Variants in GOLGA6D observed in about 807,000 individuals in gnomAD.
GOLGA6D encodes golgin A6 family member D, also known as golgin subfamily A member 6D.
GOLGA6D carries 9 observed loss-of-function variants against 42.1 expected under a neutral mutation model. That is an observed-to-expected ratio of 0.21 (90% CI 0.13 to 0.37). GOLGA6D has a LOEUF of 0.37. Among genes scored for constraint, GOLGA6D ranks in the 10% least tolerant of loss-of-function variants. GOLGA6D has a pLI of 1.00. For synonymous variants in GOLGA6D, 39 were observed against 167.3 expected, an observed-to-expected ratio of 0.23 and a Z score of 5.92; for missense variants, 87 against 420.8, an observed-to-expected ratio of 0.21 and a Z score of 6.94.
chr15:75,293,516 C>T (rs1288190884), intron 14 of GOLGA6D, among the ~76,000 whole-genome samples: 2 of 144,746 alleles, frequency 1.4e-5, no homozygotes, highest in African/African-American at 5.4e-5. Context: ...CTGCACCTGG[C>T]TCATCTGGTG....
chr15:75,276,159 A>AC, the GOLGA6D span, among the ~76,000 whole-genome samples: 1 of 151,104 alleles, frequency 6.6e-6, no homozygotes, highest in African/African-American at 2.5e-5. Flanking sequence ...ATGCCCCCTC[A>AC]CCCCCATGGG....
Position 75,290,691 on chromosome 15 carries a change from GA to G in GOLGA6D, c.1159del (p.Arg387GlyfsTer66), listed in dbSNP as rs2141650171. 3 of 113,812 alleles carry G rather than the reference GA, an allele frequency of 2.6e-5. No homozygotes were observed. The East Asian group carries it at 4.0e-4, about 15-fold the overall frequency. 7.1% of individuals were successfully genotyped at this position (113,812 alleles called of 1,614,324 possible). A position where few individuals can be genotyped will look rare whatever the true frequency, so the allele number is the denominator to read the frequency against. On this transcript the variant is annotated frameshift_variant, in exon 11 of 18. Transcript: ENST00000434739. LOFTEE classifies it high-confidence loss of function. ...GTGAGAGGCTGCGAAAGCAGGAGCA[GA>G]GGCTACGCAAACAGGAGGAGAGGCT... ...QGERLRKQEQ[R>X]LRKQEERLRK...
the GOLGA6D span, among the ~76,000 whole-genome samples, chr15:75,277,321 CCTGAA>C: frequency 1.3e-5 from 1 of 76,614 alleles, no homozygotes; most frequent in East Asian, 3.0e-4. Flanking sequence ...CCTTACCTTG[CCTGAA>C]CTCAAGCGAT....
intron 14 of GOLGA6D, 143 bp downstream of exon 14, chr15:75,293,307 T>G (rs1230495128): frequency 3.0e-6 from 2 of 671,562 alleles, no homozygotes; most frequent in Non-Finnish European, 5.3e-6. Context: ...CTTTGTCACC[T>G]GTGACCAACA....
At chr15:75,288,720 GGTGTGT>G (rs59539121) in intron 7 of GOLGA6D, among the ~76,000 whole-genome samples, 45 of 116,172 alleles carry the variant, frequency 3.9e-4, no homozygotes, top group East Asian at 9.6e-4. Context: ...AGAGGAAAGG[GGTGTGT>G]GTGTGTGTGT....
rs2070868305 is a variant in GOLGA6D, at chr15:75,289,040, C to CATTT, written c.565-355_565-354insTTAT. On this transcript the variant is annotated intron_variant, in intron 7 of 17. Coordinates refer to ENST00000434739, the MANE Select transcript of GOLGA6D (RefSeq NM_001145224.3). The stretch of plus-strand genomic sequence containing the variant: ...TTAACCTTGAACACTCGATGTTTTT[C>CATTT]ATCTACACAATAGAGGTAATCCTAG... Among the ~76,000 whole-genome samples, 3 of 124,710 alleles carry CATTT rather than the reference C, an allele frequency of 2.4e-5. No homozygotes were observed. In the Admixed American group the frequency reaches 2.4e-4, roughly 10 times the overall value. The allele number at this position is 124,710 out of a possible 152,430, so 81.8% of individuals were successfully genotyped here.
At chr15:75,277,929 T>G (rs2070831782), upstream of GOLGA6D, among the ~76,000 whole-genome samples, 1 of 139,196 alleles carries the variant, frequency 7.2e-6, no homozygotes, top group Non-Finnish European at 1.5e-5. Flanking sequence ...GAGTAAATCA[T>G]TGTATCTATT....
chr15:75,294,434 C>T lies in GOLGA6D; in HGVS notation c.2041C>T (p.Gln681Ter). ...TTCTCCCCATAACAACCCCACTGTA[C>T]AGCAGATCGTGCAGCTGTCTCCTGT... Reference protein sequence around the residue: ...EGSPHNNPTVQQIVQLSPVMQ... With the variant: ...EGSPHNNPTV Residue 681 changes from glutamine (Q) to a stop codon, truncating the protein, a stop_gained, in exon 18 of 18, where the codon CAG (glutamine) becomes TAG (stop). Transcript: ENST00000434739. LOFTEE classifies it high-confidence loss of function. The T allele has an allele frequency of 1.9e-6, 3 of 1,597,998 alleles. No individual in the cohort carries two copies. Among genetic ancestry groups the T allele is most frequent in the African/African-American group, 1.5e-5 (1 of 67,056 alleles).
In GOLGA6D at chr15:75,294,594, C is replaced by T. The variant is rs2070896582; in HGVS notation, c.*119C>T. On this transcript the variant is annotated 3_prime_UTR_variant, in exon 18 of 18. Transcript: ENST00000434739. The stretch of plus-strand genomic sequence containing the variant: ...GTCAAGAAATTTAAAACAACAACAA[C>T]AACAAAAAGTTACGGGGTTCATCTC... The T allele has an allele frequency of 1.1e-6, 1 of 945,056 alleles. No homozygotes were observed. Among genetic ancestry groups the T allele is most frequent in the Admixed American group, 2.7e-5 (1 of 36,694 alleles). The allele number at this position is 945,056 out of a possible 1,614,324, so 58.5% of individuals were successfully genotyped here.
At chr15:75,277,881 G>A (rs1297753212), upstream of GOLGA6D, among the ~76,000 whole-genome samples, 1 of 149,954 alleles carries the variant, frequency 6.7e-6, no homozygotes, top group Admixed American at 6.7e-5. Flanking sequence ...GGTCGAGACA[G>A]TGTGTATTAC....
At chr15:75,278,827 A>C (rs1042785553), upstream of GOLGA6D, among the ~76,000 whole-genome samples, 1 of 151,674 alleles carries the variant, frequency 6.6e-6, no homozygotes, top group African/African-American at 2.4e-5. Context: ...ACACATGCTC[A>C]TACTTATTAG....
chr15:75,294,405 A>G lies in GOLGA6D; in HGVS notation c.2012A>G (p.Glu671Gly). 3 of 1,599,966 alleles carry G rather than the reference A, an allele frequency of 1.9e-6. No individual in the cohort carries two copies. Among genetic ancestry groups the G allele is most frequent in the Non-Finnish European group, 2.5e-6 (3 of 1,176,960 alleles). ...GAGCCTGCACCAGGAGTGGCCAGGGAGGGTTCTCCCCATAACAACCCCACT... is the reference window on the plus strand; with the variant it reads ...GAGCCTGCACCAGGAGTGGCCAGGGGGGGTTCTCCCCATAACAACCCCACT... ...NVEPAPGVAR[E>G]GSPHNNPTVQ... The change falls in exon 18 of 18, where the codon GAG (glutamate) becomes GGG (glycine). Residue 671 changes from glutamate (E) to glycine (G), a missense_variant. By Grantham distance (98) the Glu-to-Gly change is moderately conservative (BLOSUM62 -2). Transcript: ENST00000434739.
the GOLGA6D span, among the ~76,000 whole-genome samples, chr15:75,277,781 G>A: frequency 2.0e-5 from 3 of 149,930 alleles, no homozygotes; most frequent in East Asian, 1.9e-4. Context: ...CAGCCTGGGC[G>A]ACAGAGTGAC....
chr15:75,289,365 C>G, intron 7 of GOLGA6D, 32 bp from the exon 8 acceptor site: 1 of 1,547,156 alleles, frequency 6.5e-7, no homozygotes, highest in Non-Finnish European at 8.8e-7. Context: ...CCGAGCTCCC[C>G]AGATCAAAAC....
chr15:75,288,512 A>T (rs1440237376), intron 7 of GOLGA6D, 148 bp downstream of exon 7: 3 of 900,806 alleles, frequency 3.3e-6, no homozygotes, highest in African/African-American at 1.9e-5. Flanking sequence ...TGTTAGAGGC[A>T]GCCTGGGGCT....
At chr15:75,289,330 C>A in intron 7 of GOLGA6D, 67 bp from the exon 8 acceptor site, 3 of 1,444,008 alleles carry the variant, frequency 2.1e-6, no homozygotes, top group South Asian at 2.3e-5. Context: ...TTGAGCCTAG[C>A]CCTAGCCCTT....
the GOLGA6D span, among the ~76,000 whole-genome samples, chr15:75,276,292 C>CA: frequency 6.6e-6 from 1 of 151,592 alleles, no homozygotes; most frequent in African/African-American, 2.4e-5. Context: ...GGTGGCCATC[C>CA]AGCTTGGTGG....
At chr15:75,278,597 G>A (rs1360448941), upstream of GOLGA6D, among the ~76,000 whole-genome samples, 9 of 151,480 alleles carry the variant, frequency 5.9e-5, no homozygotes, top group Non-Finnish European at 1.5e-5. Flanking sequence ...CAGACCCCAG[G>A]GGGCTTCCTG....
At position 75,294,426 on chromosome 15, in the gene GOLGA6D, C is replaced by G. The variant is rs2070894551; in HGVS notation, c.2033C>G (p.Pro678Arg). The stretch of plus-strand genomic sequence containing the variant: ...AGGGAGGGTTCTCCCCATAACAACC[C>G]CACTGTACAGCAGATCGTGCAGCTG... ...VAREGSPHNN[P>R]TVQQIVQLSP... Residue 678 changes from proline to arginine, a missense_variant, in exon 18 of 18, where the codon CCC becomes CGC. Physicochemically the swap from Pro to Arg is moderately radical, Grantham distance 103. Coordinates refer to ENST00000434739, the MANE Select transcript of GOLGA6D (RefSeq NM_001145224.3). 1 of 1,598,030 alleles carries G rather than the reference C, an allele frequency of 6.3e-7. No individual in the cohort carries two copies. Among genetic ancestry groups the G allele is most frequent in the Non-Finnish European group, 8.5e-7 (1 of 1,174,992 alleles).
Sources: gnomAD v4.1 joint callset for allele counts (sites outside exome capture counted in the v4.1 genomes callset) on GRCh38, gnomAD v4.1.1 for gene constraint, MANE v1.5 for transcripts, NCBI Gene and HGNC (gene_info 2026-07-23, HGNC 2026-07-21) for gene names.